TMEM67: variants seen among roughly 807,000 people sequenced by gnomAD.
TMEM67 encodes the protein meckelin.
A neutral mutation model predicts 136.6 loss-of-function variants in TMEM67; 124 were observed. The observed-to-expected ratio is 0.91, with a 90% CI of 0.78 to 1.05. TMEM67 has a LOEUF of 1.05. TMEM67 is among the 50% of genes least tolerant of loss of function. The probability of loss-of-function intolerance (pLI) is 0.00; values close to 1 mark genes in which losing one functional copy is unlikely to be tolerated. For missense variants in TMEM67, 1,107 were observed against 1,178.4 expected, an observed-to-expected ratio of 0.94 and a Z score of 0.89; for synonymous variants, 364 against 390.5, an observed-to-expected ratio of 0.93 and a Z score of 0.80.
At chr8:93,813,778 G>A (rs965231957) in intron 26 of TMEM67, among the ~76,000 whole-genome samples, 5 of 152,122 alleles carry the variant, frequency 3.3e-5, no homozygotes, top group Admixed American at 6.6e-5. Context: ...AAGGGACCAG[G>A]TTGTAGGAGA....
At chr8:93,785,985 A>G (rs1273742691) in intron 12 of TMEM67, among the ~76,000 whole-genome samples, 1 of 152,126 alleles carries the variant, frequency 6.6e-6, no homozygotes, top group Non-Finnish European at 1.5e-5. Flanking sequence ...TGGGAGGATC[A>G]CTTGAGCCCA....
chr8:93,773,476 C>CAGT (rs2130626299), intron 7 of TMEM67, among the ~76,000 whole-genome samples: 1 of 152,250 alleles, frequency 6.6e-6, no homozygotes, highest in East Asian at 1.9e-4. Context: ...GAGAGTATTA[C>CAGT]AGTAATCTGA....
intron 7 of TMEM67, among the ~76,000 whole-genome samples, chr8:93,773,644 T>C (rs755076045): frequency 6.6e-6 from 1 of 152,212 alleles, no homozygotes; most frequent in Admixed American, 6.5e-5. Context: ...CATGAATAAC[T>C]GTAAAAATGG....
intron 22 of TMEM67, among the ~76,000 whole-genome samples, chr8:93,804,199 C>T (rs1370723563): frequency 6.6e-6 from 1 of 151,452 alleles, no homozygotes; most frequent in African/African-American, 2.4e-5. Flanking sequence ...TTTGCAGTTT[C>T]TTAATTATGA....
At chr8:93,777,475 C>A (rs1586035565) in intron 7 of TMEM67, among the ~76,000 whole-genome samples, 1 of 152,152 alleles carries the variant, frequency 6.6e-6, no homozygotes, top group Non-Finnish European at 1.5e-5. Context: ...TTCCTGCTTT[C>A]TTATGTGGGC....
chr8:93,777,038 T>A (rs931364672), intron 7 of TMEM67, among the ~76,000 whole-genome samples: 2 of 152,228 alleles, frequency 1.3e-5, no homozygotes, highest in Non-Finnish European at 2.9e-5. Flanking sequence ...ATGCTGTTGT[T>A]GGTCTATTCA....
chr8:93,811,801 T>C (rs1389386099), intron 26 of TMEM67, among the ~76,000 whole-genome samples: 5 of 152,040 alleles, frequency 3.3e-5, no homozygotes, highest in African/African-American at 1.2e-4. Flanking sequence ...ATCGCACCAC[T>C]GCACTTCAGC....
intron 26 of TMEM67, among the ~76,000 whole-genome samples, chr8:93,812,385 A>G (rs183311346): frequency 8.5e-5 from 13 of 152,302 alleles, no homozygotes; most frequent in African/African-American, 3.1e-4. Context: ...TGGGAGGCCA[A>G]GGCAGGCGGT....
intron 26 of TMEM67, among the ~76,000 whole-genome samples, chr8:93,814,581 C>A (rs755033220): frequency 1.3e-5 from 2 of 151,806 alleles, no homozygotes; most frequent in Non-Finnish European, 1.5e-5. Context: ...GTCCTCCCAT[C>A]TCAGCTTCCC....
At chr8:93,779,290 CG>C (rs1563457144) in intron 7 of TMEM67, among the ~76,000 whole-genome samples, 1 of 152,132 alleles carries the variant, frequency 6.6e-6, no homozygotes, top group African/African-American at 2.4e-5. Flanking sequence ...TTCCTTCCGA[CG>C]GGTTCGAACA....
At chr8:93,814,347 G>A (rs1261808155) in intron 26 of TMEM67, among the ~76,000 whole-genome samples, 1 of 150,784 alleles carries the variant, frequency 6.6e-6, no homozygotes, top group East Asian at 1.9e-4. Context: ...CACCGTGTTA[G>A]CCAGGATAGT....
chr8:93,823,771 A>G (rs184325754), downstream of TMEM67, among the ~76,000 whole-genome samples: 7 of 152,322 alleles, frequency 4.6e-5, no homozygotes, highest in East Asian at 1.3e-3. Context: ...AAGAAAATTA[A>G]GTGCCTTATT....
rs188356785 is a variant in TMEM67, at chr8:93,795,627, C to T, written c.1773+120C>T. 8 of 849,486 alleles carry T rather than the reference C, an allele frequency of 9.4e-6. No individual in the cohort carries two copies. The African/African-American group carries it at 1.0e-4, about 11-fold the overall frequency. 52.6% of individuals were successfully genotyped at this position (849,486 alleles called of 1,614,324 possible). On this transcript the variant is annotated intron_variant, in intron 17 of 27. Coordinates refer to ENST00000453321, the MANE Select transcript of TMEM67 (RefSeq NM_153704.6). The stretch of plus-strand genomic sequence containing the variant: ...GATCAACAGTATTAAGAAAAGTTCC[C>T]AACTCCCCATTCCTTGAGTGTGCTG...
chr8:93,768,963 A>G (rs573667014), intron 6 of TMEM67, among the ~76,000 whole-genome samples: 1 of 152,144 alleles, frequency 6.6e-6, no homozygotes, highest in Non-Finnish European at 1.5e-5. Context: ...AAAAATAATA[A>G]AACTAAATTA....
rs138567040 is a variant in TMEM67, at chr8:93,765,779, CATT to C, written c.651+135_651+137del. The stretch of plus-strand genomic sequence containing the variant: ...AACAGAAAAAAATCAATCTAAGAAA[CATT>C]AGTCTAATAATTCAGCAGTATAATT... On this transcript the variant is annotated intron_variant, in intron 6 of 27. Coordinates refer to ENST00000453321, the MANE Select transcript of TMEM67 (RefSeq NM_153704.6). 1,396 of 711,698 alleles carry C rather than the reference CATT, an allele frequency of 2.0e-3. 33 individuals are homozygous for C. The East Asian group carries it at 0.029, about 15-fold the overall frequency. The allele number at this position is 711,698 out of a possible 1,614,324, so 44.1% of individuals were successfully genotyped here. A position where few individuals can be genotyped will look rare whatever the true frequency, so the allele number is the denominator to read the frequency against.
Position 93,763,830 on chromosome 8 carries a change from T to G in TMEM67, c.407-12T>G. The G allele has an allele frequency of 6.3e-7, 1 of 1,588,284 alleles. No homozygotes were observed. The highest frequency in any genetic ancestry group is 8.6e-7 in the Non-Finnish European group (1 of 1,156,612). On this transcript the variant is annotated splice_polypyrimidine_tract_variant and intron_variant, in intron 3 of 27. Transcript: ENST00000453321. ...ATGAGTTACATCTTTATTTTGTTTC[T>G]AAACTGTTCAGTGGAAAGAGACATT...
At chr8:93,808,484 C>A (rs1563480858) in intron 23 of TMEM67, among the ~76,000 whole-genome samples, 8 of 143,628 alleles carry the variant, frequency 5.6e-5, no homozygotes, top group Non-Finnish European at 9.1e-5. Flanking sequence ...AGATATTTAT[C>A]TATAATAGAT....
At position 93,789,672 on chromosome 8, in the gene TMEM67, T is replaced by A. The variant is rs867618910; in HGVS notation, c.1519-1591T>A. Among the ~76,000 whole-genome samples, 984 of 138,156 alleles carry A rather than the reference T, an allele frequency of 7.1e-3. 7 individuals are homozygous for A. Among genetic ancestry groups the A allele is most frequent in the African/African-American group, 0.019 (616 of 31,940 alleles). The allele number at this position is 138,156 out of a possible 152,430, so 90.6% of individuals were successfully genotyped here. On this transcript the variant is annotated intron_variant, in intron 14 of 27. Coordinates refer to ENST00000453321, the MANE Select transcript of TMEM67 (RefSeq NM_153704.6). ...AAAAAATATATATATATATATATAT[T>A]TTTTTTTTAATGTAAAACACTTCTG... is the stretch of plus-strand genomic sequence containing the variant.
chr8:93,803,389 A>G (rs549295786), intron 21 of TMEM67, among the ~76,000 whole-genome samples: 3 of 152,322 alleles, frequency 2.0e-5, no homozygotes, highest in African/African-American at 7.2e-5. Context: ...TCAGAACTCA[A>G]AATAGGCTCC....
Sources: gnomAD v4.1 joint callset for allele counts (sites outside exome capture counted in the v4.1 genomes callset) on GRCh38, gnomAD v4.1.1 for gene constraint, MANE v1.5 for transcripts, NCBI Gene and HGNC (gene_info 2026-07-23, HGNC 2026-07-21) for gene names.